The following ABTB3 variants were observed in gnomAD, a reference collection of about 807,000 sequenced individuals.
ABTB3 encodes ankyrin repeat and BTB domain containing 3.
the ABTB3 span, among the ~76,000 whole-genome samples, chr12:107,608,941 A>T: frequency 3.9e-3 from 335 of 86,078 alleles, 1 homozygote; most frequent in Non-Finnish European, 5.2e-3. Flanking sequence ...ATAAAATAAA[A>T]TAAATAAAAT....
the ABTB3 span, among the ~76,000 whole-genome samples, chr12:107,546,878 A>G: frequency 6.6e-6 from 1 of 152,130 alleles, no homozygotes; most frequent in Non-Finnish European, 1.5e-5. Flanking sequence ...ATAAATTTAA[A>G]TTAAATTTAA....
chr12:107,355,102 A>G, the ABTB3 span, among the ~76,000 whole-genome samples: 1 of 152,164 alleles, frequency 6.6e-6, no homozygotes, highest in East Asian at 1.9e-4. Context: ...ATCAGAGGCC[A>G]AGTTCTCTCA....
the ABTB3 span, among the ~76,000 whole-genome samples, chr12:107,484,286 C>T: frequency 6.6e-6 from 1 of 152,196 alleles, no homozygotes; most frequent in Non-Finnish European, 1.5e-5. Flanking sequence ...GTCCCAAAGC[C>T]TCTGAAAAGG....
chr12:107,610,792 C>G, the ABTB3 span, among the ~76,000 whole-genome samples: 1 of 152,130 alleles, frequency 6.6e-6, no homozygotes, highest in Non-Finnish European at 1.5e-5. Context: ...AAAAGTCATT[C>G]TGGGGACCCT....
the ABTB3 span, among the ~76,000 whole-genome samples, chr12:107,601,647 G>T: frequency 9.5e-4 from 144 of 152,208 alleles, 1 homozygote; most frequent in African/African-American, 3.4e-3. Flanking sequence ...CAGACTGCTG[G>T]GTTCAAATCC....
the ABTB3 span, among the ~76,000 whole-genome samples, chr12:107,375,937 T>C: frequency 6.6e-6 from 1 of 152,202 alleles, no homozygotes; most frequent in African/African-American, 2.4e-5. Flanking sequence ...TAGCCTGGGC[T>C]GCTTTTCCAG....
At chr12:107,509,990 T>C in the ABTB3 span, among the ~76,000 whole-genome samples, 1 of 152,194 alleles carries the variant, frequency 6.6e-6, no homozygotes, top group Non-Finnish European at 1.5e-5. Context: ...ATTATCCCAT[T>C]ATAGCCTCCC....
chr12:107,368,633 GT>G, the ABTB3 span, among the ~76,000 whole-genome samples: 3 of 152,134 alleles, frequency 2.0e-5, no homozygotes, highest in Non-Finnish European at 4.4e-5. Flanking sequence ...GGGTCACAGG[GT>G]TTATACAAAC....
At chr12:107,454,397 G>C in the ABTB3 span, among the ~76,000 whole-genome samples, 12 of 152,222 alleles carry the variant, frequency 7.9e-5, no homozygotes, top group Non-Finnish European at 1.6e-4. Context: ...TGGCCATGAA[G>C]CTGGTTTTGC....
the ABTB3 span, among the ~76,000 whole-genome samples, chr12:107,481,781 C>T: frequency 6.6e-6 from 1 of 152,200 alleles, no homozygotes; most frequent in Non-Finnish European, 1.5e-5. Context: ...CACTTCTTCA[C>T]TCTGTTCTCT....
chr12:107,501,230 A>G, the ABTB3 span, among the ~76,000 whole-genome samples: 3 of 152,074 alleles, frequency 2.0e-5, no homozygotes, highest in Non-Finnish European at 2.9e-5. Flanking sequence ...TTTCATCAGT[A>G]TTATTATTAT....
the ABTB3 span, among the ~76,000 whole-genome samples, chr12:107,404,472 T>C: frequency 6.6e-6 from 1 of 152,104 alleles, no homozygotes; most frequent in Non-Finnish European, 1.5e-5. Context: ...CTGCATTACC[T>C]CTCGGGACCC....
At chr12:107,318,639 CT>C in the ABTB3 span, 9 of 354,754 alleles carry the variant, frequency 2.5e-5, no homozygotes, top group Non-Finnish European at 4.6e-5. Context: ...GGTCTAGACA[CT>C]TTTTATTTTG....
the ABTB3 span, among the ~76,000 whole-genome samples, chr12:107,525,324 C>CAAAAAAAAAAAAAAAA: frequency 8.0e-4 from 28 of 34,886 alleles, no homozygotes; most frequent in African/African-American, 1.1e-3. Flanking sequence ...AAGATCCTGT[C>CAAAAAAAAAAAAAAAA]AAAAAAAAAA....
the ABTB3 span, among the ~76,000 whole-genome samples, chr12:107,545,457 G>A: frequency 2.6e-5 from 4 of 151,928 alleles, no homozygotes; most frequent in Admixed American, 2.6e-4. Context: ...TGTTCCCCAG[G>A]CTGGTCCCAA....
the ABTB3 span, among the ~76,000 whole-genome samples, chr12:107,416,931 C>T: frequency 6.6e-6 from 1 of 152,192 alleles, no homozygotes; most frequent in African/African-American, 2.4e-5. Context: ...CCGTGCCCAG[C>T]CACCCCATGT....
chr12:107,477,175 C>T, the ABTB3 span, among the ~76,000 whole-genome samples: 1 of 152,256 alleles, frequency 6.6e-6, no homozygotes, highest in African/African-American at 2.4e-5. Flanking sequence ...AGGCCACTTC[C>T]ACCTCTCACC....
At chr12:107,513,071 A>G in the ABTB3 span, among the ~76,000 whole-genome samples, 1 of 152,224 alleles carries the variant, frequency 6.6e-6, no homozygotes, top group African/African-American at 2.4e-5. Flanking sequence ...ATTTCCTACC[A>G]TATAGTGTGG....
chr12:107,615,286 T>G, the ABTB3 span: 1 of 693,292 alleles, frequency 1.4e-6, no homozygotes, highest in African/African-American at 1.8e-5. Context: ...CAATTCAATA[T>G]AGTATATTCA....
Sources: gnomAD v4.1 joint callset for allele counts (sites outside exome capture counted in the v4.1 genomes callset) on GRCh38, gnomAD v4.1.1 for gene constraint, MANE v1.5 for transcripts, NCBI Gene and HGNC (gene_info 2026-07-23, HGNC 2026-07-21) for gene names.